ABI1: variants seen among roughly 807,000 people sequenced by gnomAD.
ABI1 encodes the protein Abelson interactor 1.
ABI1 carries 14 observed loss-of-function variants against 54.6 expected under a neutral mutation model. The observed-to-expected ratio is 0.26, with a 90% CI of 0.17 to 0.40. The LOEUF (loss-of-function observed/expected upper bound fraction) is 0.40. ABI1 is among the 10% of genes least tolerant of loss of function. The pLI is 1.00. For missense variants in ABI1, 443 were observed against 598.3 expected (o/e 0.74, Z 2.71); for synonymous variants, 194 against 209.3 (o/e 0.93, Z 0.63).
At chr10:26,814,551 T>C (rs1486884704) in intron 2 of ABI1, among the ~76,000 whole-genome samples, 1 of 152,232 alleles carries the variant, frequency 6.6e-6, no homozygotes, top group Admixed American at 6.5e-5. Flanking sequence ...TATTACTTCC[T>C]ATATTTTCCA....
intron 2 of ABI1, among the ~76,000 whole-genome samples, chr10:26,786,952 C>T (rs868274797): frequency 6.6e-6 from 1 of 152,244 alleles, no homozygotes; most frequent in African/African-American, 2.4e-5. Context: ...ATCAAACACA[C>T]AGGCTCCTCA....
At chr10:26,793,732 G>C (rs1328198152) in intron 2 of ABI1, among the ~76,000 whole-genome samples, 1 of 152,150 alleles carries the variant, frequency 6.6e-6, no homozygotes, top group African/African-American at 2.4e-5. Context: ...CTAAATATGA[G>C]CTTTTAATAG....
chr10:26,761,617 C>CATATATATATATATAT (rs1164854399), intron 7 of ABI1, among the ~76,000 whole-genome samples: 19 of 49,834 alleles, frequency 3.8e-4, no homozygotes, highest in East Asian at 6.9e-4. Context: ...TAGTTTTTGT[C>CATATATATATATATAT]ATATATATAT....
intron 2 of ABI1, among the ~76,000 whole-genome samples, chr10:26,810,503 C>T (rs1400925539): frequency 6.6e-6 from 1 of 152,166 alleles, no homozygotes; most frequent in African/African-American, 2.4e-5. Context: ...TATAACACCT[C>T]AGGGATCGGC....
intron 2 of ABI1, among the ~76,000 whole-genome samples, chr10:26,778,641 A>G (rs963293247): frequency 6.6e-6 from 1 of 152,154 alleles, no homozygotes; most frequent in African/African-American, 2.4e-5. Context: ...CCAATTCCAA[A>G]CCAAGTAGAT....
chr10:26,786,933 G>A (rs1316702509), intron 2 of ABI1, among the ~76,000 whole-genome samples: 2 of 152,124 alleles, frequency 1.3e-5, no homozygotes, highest in East Asian at 3.9e-4. Flanking sequence ...TAAAGTGAAC[G>A]TGTTCAAAAT....
chr10:26,813,656 A>G (rs1487377493), intron 2 of ABI1, among the ~76,000 whole-genome samples: 1 of 152,208 alleles, frequency 6.6e-6, no homozygotes, highest in Non-Finnish European at 1.5e-5. Context: ...ACATACTTCA[A>G]CCCAAACAAC....
intron 1 of ABI1, among the ~76,000 whole-genome samples, chr10:26,826,616 A>G (rs1564548019): frequency 6.6e-6 from 1 of 152,202 alleles, no homozygotes; most frequent in African/African-American, 2.4e-5. Flanking sequence ...TCTTCTCCCA[A>G]TAGAAGACTG....
intron 2 of ABI1, among the ~76,000 whole-genome samples, chr10:26,790,196 A>T (rs559424726): frequency 1.3e-3 from 205 of 152,340 alleles, no homozygotes; most frequent in African/African-American, 4.5e-3. Flanking sequence ...TAGGTCTTTG[A>T]GGATTCACCA....
At chr10:26,820,282 A>G (rs1208459739) in intron 2 of ABI1, among the ~76,000 whole-genome samples, 1 of 152,200 alleles carries the variant, frequency 6.6e-6, no homozygotes, top group African/African-American at 2.4e-5. Flanking sequence ...ATATCAAAAC[A>G]TCACATTGTA....
At chr10:26,826,686 T>A (rs1046343255) in intron 1 of ABI1, among the ~76,000 whole-genome samples, 3 of 151,740 alleles carry the variant, frequency 2.0e-5, no homozygotes, top group Non-Finnish European at 4.4e-5. Context: ...CTTAGCTAGA[T>A]CTTCTGGGTA....
At chr10:26,834,824 C>G (rs1050970255) in intron 1 of ABI1, among the ~76,000 whole-genome samples, 1 of 151,646 alleles carries the variant, frequency 6.6e-6, no homozygotes, top group African/African-American at 2.4e-5. Flanking sequence ...AAAATTAAGC[C>G]GGGCACAGTA....
At chr10:26,799,709 T>C (rs958667908) in intron 2 of ABI1, among the ~76,000 whole-genome samples, 1 of 152,198 alleles carries the variant, frequency 6.6e-6, no homozygotes, top group Non-Finnish European at 1.5e-5. Context: ...ATATACTTAT[T>C]TATGCGTTAG....
rs183662902 is a variant in ABI1, at chr10:26,845,039, G to A, written c.117+15708C>T. ...GGCAGAAAACAAGCATACAGTTTGA[G>A]GGGAGAGGATAATAGCAGTATGGGG... On this transcript the variant is annotated intron_variant, in intron 1 of 10. Transcript: ENST00000376140. 3.9e-5 allele frequency among the ~76,000 whole-genome samples: 6 copies of A among 152,114 alleles called. No homozygotes were observed. The South Asian group carries it at 1.0e-3, about 26-fold the overall frequency.
intron 1 of ABI1, among the ~76,000 whole-genome samples, chr10:26,845,223 T>C (rs1031595483): frequency 3.9e-5 from 6 of 152,114 alleles, no homozygotes; most frequent in Non-Finnish European, 8.8e-5. Context: ...ATCAAAACCC[T>C]TTCAAAAATA....
chr10:26,761,615 G>GTCAT (rs1839171203), intron 7 of ABI1, among the ~76,000 whole-genome samples: 2 of 55,638 alleles, frequency 3.6e-5, no homozygotes, highest in African/African-American at 1.7e-4. Context: ...AATAGTTTTT[G>GTCAT]TCATATATAT....
At chr10:26,850,371 C>T (rs533399469) in intron 1 of ABI1, among the ~76,000 whole-genome samples, 16 of 152,082 alleles carry the variant, frequency 1.1e-4, no homozygotes, top group African/African-American at 3.1e-4. Context: ...GCCTAAAAAA[C>T]GTTCTCGGCC....
intron 1 of ABI1, among the ~76,000 whole-genome samples, chr10:26,833,259 C>A (rs779300282): frequency 1.3e-5 from 2 of 152,186 alleles, no homozygotes; most frequent in East Asian, 3.8e-4. Context: ...CAATCAACTG[C>A]TAGCATACTT....
At chr10:26,839,690 C>T in intron 1 of ABI1, 1 of 684,502 alleles carries the variant, frequency 1.5e-6, no homozygotes, top group Non-Finnish European at 2.6e-6. Flanking sequence ...GTGGCTCACA[C>T]CTGTAATCCC....
Sources: allele counts gnomAD v4.1 joint callset (sites outside exome capture counted in the v4.1 genomes callset), GRCh38; gene constraint gnomAD v4.1.1; transcripts MANE v1.5; gene names NCBI Gene and HGNC (gene_info 2026-07-23, HGNC 2026-07-21).